IQCE: variants seen among roughly 807,000 people sequenced by gnomAD.
IQCE encodes IQ motif containing E, also known as IQ domain-containing protein E.
A neutral mutation model predicts 96.0 loss-of-function variants in IQCE; 115 were observed. The observed-to-expected ratio is 1.20, with a 90% CI of 1.03 to 1.40. The LOEUF (loss-of-function observed/expected upper bound fraction) is 1.40. Among genes scored for constraint, IQCE ranks in the 40% most tolerant of loss-of-function variants. The pLI is 0.00. For synonymous variants in IQCE, 412 were observed against 371.2 expected, an observed-to-expected ratio of 1.11 and a Z score of -1.26; for missense variants, 1,041 against 909.1, an observed-to-expected ratio of 1.15 and a Z score of -1.87.
chr7:2,603,059 C>T (rs1333422415), intron 18 of IQCE, among the ~76,000 whole-genome samples: 1 of 152,166 alleles, frequency 6.6e-6, no homozygotes, highest in Non-Finnish European at 1.5e-5. Flanking sequence ...TAGACCTGCC[C>T]CACAGACACA....
intron 14 of IQCE, among the ~76,000 whole-genome samples, chr7:2,590,568 C>T (rs1201629937): frequency 1.3e-5 from 2 of 151,990 alleles, no homozygotes; most frequent in Non-Finnish European, 2.9e-5. Context: ...AGTTTCAGAC[C>T]AGCCTGGGCA....
At chr7:2,571,102 C>T (rs963989958) in intron 3 of IQCE, among the ~76,000 whole-genome samples, 12 of 152,176 alleles carry the variant, frequency 7.9e-5, no homozygotes, top group Admixed American at 7.9e-4. Flanking sequence ...ACTGTAGCCT[C>T]GACCTCCTGG....
chr7:2,602,553 A>C (rs4719597), intron 18 of IQCE, among the ~76,000 whole-genome samples: 114,624 of 152,076 alleles, frequency 0.75, 43,511 homozygotes, highest in African/African-American at 0.85. Flanking sequence ...AGCTGCTTCT[A>C]AGTGGCAGGG....
At chr7:2,570,678 C>G (rs762320968) in intron 3 of IQCE, among the ~76,000 whole-genome samples, 1 of 152,044 alleles carries the variant, frequency 6.6e-6, no homozygotes, top group Non-Finnish European at 1.5e-5. Context: ...TTAAGAGTGC[C>G]TTAGTTTTTG....
At chr7:2,588,080 C>G (rs1266504708) in intron 13 of IQCE, among the ~76,000 whole-genome samples, 1 of 152,252 alleles carries the variant, frequency 6.6e-6, no homozygotes, top group Non-Finnish European at 1.5e-5. Flanking sequence ...CTGTGAGCTT[C>G]TGTGCGTGGC....
intron 6 of IQCE, among the ~76,000 whole-genome samples, chr7:2,575,360 C>T (rs1292785506): frequency 6.6e-6 from 1 of 152,258 alleles, no homozygotes; most frequent in Admixed American, 6.5e-5. Flanking sequence ...GTTCAGGCCC[C>T]TCACTCAGCC....
In IQCE at chr7:2,599,739, C is replaced by T. The variant is rs765604370; in HGVS notation, c.1608+1107C>T. Reference sequence around the variant, plus strand: ...TGAGCTAAAGCCATTTACCTGCCTCCGCCTCCCGGAGTGCTGGGATTACAG... The same window carrying T: ...TGAGCTAAAGCCATTTACCTGCCTCTGCCTCCCGGAGTGCTGGGATTACAG... On this transcript the variant is annotated intron_variant, in intron 17 of 21. Coordinates refer to ENST00000402050, the MANE Select transcript of IQCE (RefSeq NM_152558.5). 5.3e-5 allele frequency among the ~76,000 whole-genome samples: 8 copies of T among 151,968 alleles called. No homozygotes were observed. In the South Asian group the frequency reaches 1.0e-3, roughly 20 times the overall value.
intron 15 of IQCE, among the ~76,000 whole-genome samples, chr7:2,593,441 G>A (rs1783771282): frequency 2.6e-5 from 4 of 152,266 alleles, no homozygotes; most frequent in Non-Finnish European, 5.9e-5. Flanking sequence ...ACATCCTTAA[G>A]AGGGGCCGCC....
rs369395884 is a variant in IQCE, at chr7:2,614,073, C to G, written c.*3911C>G. ...TGTCTATTTTTGTCTCCTGACGAGA[C>G]GTGAGGACCATGCCCTTGATCCCTC... On this transcript the variant is annotated 3_prime_UTR_variant, in exon 22 of 22. Transcript: ENST00000402050. The G allele has an allele frequency of 6.6e-6, 1 of 152,208 alleles. No homozygotes were observed. The highest frequency in any genetic ancestry group is 2.4e-5 in the African/African-American group (1 of 41,452). 9.4% of individuals were successfully genotyped at this position (152,208 alleles called of 1,614,324 possible).
Position 2,571,537 on chromosome 7 carries a change from C to G in IQCE, c.142C>G (p.Leu48Val). 1 of 1,606,450 alleles carries G rather than the reference C, an allele frequency of 6.2e-7. No homozygotes were observed. The highest frequency in any genetic ancestry group is 1.1e-5 in the South Asian group (1 of 91,088). The change falls in exon 4 of 22, where the codon CTC becomes GTC. Residue 48 changes from leucine to valine, a missense_variant. By Grantham distance (32) the Leu-to-Val change is conservative (BLOSUM62 1). Transcript: ENST00000402050. ...GTTGGCTTTTCCAGAGTCACCTTAT[C>G]TCTCTAAGCCGAGAAAAGTGGCCTC... ...PPPTSPKSPY[L>V]SKPRKVASWR...
intron 9 of IQCE, among the ~76,000 whole-genome samples, 200 bp downstream of exon 9, chr7:2,582,850 A>G (rs1241537771): frequency 1.3e-5 from 2 of 151,958 alleles, no homozygotes; most frequent in Non-Finnish European, 2.9e-5. Context: ...TTCCTGTTAT[A>G]TTTAAAAGAT....
At chr7:2,600,443 C>T (rs1176780603) in intron 17 of IQCE, among the ~76,000 whole-genome samples, 5 of 152,310 alleles carry the variant, frequency 3.3e-5, no homozygotes, top group Middle Eastern at 3.4e-3. Flanking sequence ...AGTTTAGCTC[C>T]CTGAGGTCTG....
chr7:2,591,947 GATTACA>G (rs1783623144), intron 14 of IQCE, among the ~76,000 whole-genome samples: 1 of 136,086 alleles, frequency 7.3e-6, no homozygotes, highest in African/African-American at 2.8e-5. Flanking sequence ...AAAGTGCTGG[GATTACA>G]GGCGTGAGCC....
At chr7:2,574,588 G>T (rs1352774755) in intron 6 of IQCE, among the ~76,000 whole-genome samples, 2 of 152,214 alleles carry the variant, frequency 1.3e-5, no homozygotes, top group African/African-American at 4.8e-5. Flanking sequence ...TTGGAAGACT[G>T]CGCTGAATGA....
intron 19 of IQCE, 136 bp from the exon 20 acceptor site, chr7:2,605,740 C>T (rs76694868): frequency 0.13 from 106,796 of 847,160 alleles, 7,616 homozygotes; most frequent in Non-Finnish European, 0.14. Context: ...CAGCAATTCC[C>T]GGGAGGCAGG....
At position 2,571,600 on chromosome 7, in the gene IQCE, G is replaced by A. The variant is rs370273649; in HGVS notation, c.205G>A (p.Gly69Ser). Residue 69 changes from glycine to serine, a missense_variant, in exon 4 of 22, where the codon GGC becomes AGC. Physicochemically the swap from Gly to Ser is moderately conservative, Grantham distance 56. Coordinates refer to ENST00000402050, the MANE Select transcript of IQCE (RefSeq NM_152558.5). The stretch of plus-strand genomic sequence containing the variant: ...CAGGACGGCAGGGAGCATGCCTCTG[G>A]GCGGCCGAGCGTCCCTGACCCCGCA... ...SLRTAGSMPL[G>S]GRASLTPQKL... 12 of 1,602,564 alleles carry A rather than the reference G, an allele frequency of 7.5e-6. No homozygotes were observed. The African/African-American group carries it at 1.6e-4, about 21-fold the overall frequency.
At position 2,589,965 on chromosome 7, in the gene IQCE, C is replaced by T. The variant is rs764965610; in HGVS notation, c.1103C>T (p.Pro368Leu). Residue 368 changes from proline to leucine, a missense_variant, in exon 14 of 22, where the codon CCG becomes CTG. Transcript: ENST00000402050. ...GCCGCAGAGCCAGTCAGATCACACCCGCCAGCCTGCCTTGCATCCAGCTCT... is the reference window on the plus strand; with the variant it reads ...GCCGCAGAGCCAGTCAGATCACACCTGCCAGCCTGCCTTGCATCCAGCTCT... ...SHAAEPVRSH[P>L]PACLASSSAL... 25 of 1,613,880 alleles carry T rather than the reference C, an allele frequency of 1.5e-5. No homozygotes were observed. Among genetic ancestry groups the T allele is most frequent in the South Asian group, 1.2e-4 (11 of 91,090 alleles).
Position 2,614,129 on chromosome 7 carries a change from A to G in IQCE, c.*3967A>G, listed in dbSNP as rs989254016. Reference sequence around the variant, plus strand: ...GACCAGAAACCCCCTTCCTTGCAAAAAAAAGGCAATTGAATTAGGAAAAGA... The same window carrying G: ...GACCAGAAACCCCCTTCCTTGCAAAGAAAAGGCAATTGAATTAGGAAAAGA... On this transcript the variant is annotated 3_prime_UTR_variant, in exon 22 of 22. Coordinates refer to ENST00000402050, the MANE Select transcript of IQCE (RefSeq NM_152558.5). 8 of 152,040 alleles carry G rather than the reference A, an allele frequency of 5.3e-5. No individual in the cohort carries two copies. The South Asian group carries it at 1.5e-3, about 28-fold the overall frequency. The allele number at this position is 152,040 out of a possible 1,614,324, so 9.4% of individuals were successfully genotyped here. A position where few individuals can be genotyped will look rare whatever the true frequency, so the allele number is the denominator to read the frequency against.
chr7:2,594,283 ATTTCAT>A (rs144343160), intron 15 of IQCE, among the ~76,000 whole-genome samples: 217 of 152,316 alleles, frequency 1.4e-3, no homozygotes, highest in African/African-American at 4.9e-3. Flanking sequence ...AAAAGAAAAC[ATTTCAT>A]TTTCAGGAGA....
Sources: gnomAD v4.1 joint callset for allele counts (sites outside exome capture counted in the v4.1 genomes callset) on GRCh38, gnomAD v4.1.1 for gene constraint, MANE v1.5 for transcripts, NCBI Gene and HGNC (gene_info 2026-07-23, HGNC 2026-07-21) for gene names.